HCRTR2: variants seen among roughly 807,000 people sequenced by gnomAD.
HCRTR2 encodes the protein orexin receptor type 2.
HCRTR2 carries 22 observed loss-of-function variants against 49.0 expected under a neutral mutation model. The ratio of observed to expected loss-of-function variants is 0.45; its 90% CI spans 0.32 to 0.64. The LOEUF (loss-of-function observed/expected upper bound fraction) is 0.64, where lower values mean the gene tolerates loss of function less well. Among genes scored for constraint, HCRTR2 ranks in the 30% least tolerant of loss-of-function variants. The pLI is 0.04. For synonymous variants in HCRTR2, 236 were observed against 205.3 expected, an observed-to-expected ratio of 1.15 and a Z score of -1.28; for missense variants, 491 against 559.4, an observed-to-expected ratio of 0.88 and a Z score of 1.23.
intron 5 of HCRTR2, among the ~76,000 whole-genome samples, chr6:55,279,803 C>G (rs1269840243): frequency 6.6e-6 from 1 of 151,458 alleles, no homozygotes; most frequent in Non-Finnish European, 1.5e-5. Context: ...AAAATTCTGC[C>G]CATCGAGAAC....
At chr6:55,107,581 G>A (rs1763992537) in intron 1 of HCRTR2, among the ~76,000 whole-genome samples, 1 of 151,650 alleles carries the variant, frequency 6.6e-6, no homozygotes, top group Admixed American at 6.6e-5. Flanking sequence ...TTTAAAAATT[G>A]GCAGCATATT....
chr6:55,282,346 T>C lies in HCRTR2; in HGVS notation c.1227T>C (p.Thr409=). The C allele has an allele frequency of 6.2e-7, 1 of 1,613,626 alleles. No homozygotes were observed. Among genetic ancestry groups the C allele is most frequent in the South Asian group, 1.1e-5 (1 of 91,070 alleles). The change falls in exon 7 of 7, where the codon ACT becomes ACC. Residue 409 remains threonine, a synonymous_variant. Transcript: ENST00000370862. ...CAGAGAGCCGGAAGTCCTTGACCAC[T>C]CAAATCAGCAACTTTGATAACATAT... ...TSTESRKSLT[T]QISNFDNISK... is the part of the protein sequence containing the mutation.
downstream of HCRTR2, among the ~76,000 whole-genome samples, chr6:55,283,558 C>A (rs1248314052): frequency 6.6e-6 from 1 of 151,994 alleles, no homozygotes; most frequent in Admixed American, 6.6e-5. Context: ...AATAGACTAT[C>A]GTATATTTTG....
chr6:55,167,439 C>T (rs1411618116), intron 1 of HCRTR2, among the ~76,000 whole-genome samples: 1 of 151,656 alleles, frequency 6.6e-6, no homozygotes, highest in Non-Finnish European at 1.5e-5. Flanking sequence ...AATCAGAACA[C>T]ATGCCTTAAT....
chr6:55,207,912 A>C (rs1765629966), intron 1 of HCRTR2, among the ~76,000 whole-genome samples: 2 of 152,192 alleles, frequency 1.3e-5, no homozygotes, highest in South Asian at 4.1e-4. Context: ...ACAACTACAG[A>C]TAGAGGAACA....
chr6:55,243,254 C>T (rs1766369121), intron 1 of HCRTR2, among the ~76,000 whole-genome samples: 1 of 152,144 alleles, frequency 6.6e-6, no homozygotes, highest in South Asian at 2.1e-4. Context: ...CTCTTTTGCC[C>T]TCATTTGCTC....
At chr6:55,143,367 T>C (rs1330567817) in intron 1 of HCRTR2, among the ~76,000 whole-genome samples, 1 of 152,180 alleles carries the variant, frequency 6.6e-6, no homozygotes, top group Non-Finnish European at 1.5e-5. Flanking sequence ...GTCAATACAA[T>C]GTATCCCACA....
chr6:55,222,629 C>T (rs147684214), intron 1 of HCRTR2, among the ~76,000 whole-genome samples: 75 of 152,198 alleles, frequency 4.9e-4, no homozygotes, highest in African/African-American at 1.6e-3. Context: ...TTATAATATG[C>T]TGCAACATAG....
At chr6:55,122,614 T>A (rs1764216844) in intron 1 of HCRTR2, among the ~76,000 whole-genome samples, 1 of 152,108 alleles carries the variant, frequency 6.6e-6, no homozygotes, top group African/African-American at 2.4e-5. Flanking sequence ...GCTGTAAATT[T>A]CCCTCTATAC....
intron 1 of HCRTR2, among the ~76,000 whole-genome samples, chr6:55,181,531 G>A (rs1020437151): frequency 2.6e-5 from 4 of 151,994 alleles, no homozygotes; most frequent in African/African-American, 7.3e-5. Flanking sequence ...AAACACATGA[G>A]AACAATGTTT....
At chr6:55,226,679 C>T (rs142789449) in intron 1 of HCRTR2, among the ~76,000 whole-genome samples, 7 of 146,762 alleles carry the variant, frequency 4.8e-5, no homozygotes, top group Non-Finnish European at 1.0e-4. Context: ...TATGTTTAGG[C>T]TCTGCTTGTA....
chr6:55,277,635 C>T (rs754377652), intron 5 of HCRTR2, 35 bp downstream of exon 5: 1 of 1,452,252 alleles, frequency 6.9e-7, no homozygotes, highest in Non-Finnish European at 9.6e-7. Flanking sequence ...ATGAAATAGC[C>T]TGCCTTTTCT....
chr6:55,118,264 G>A (rs1204648937), intron 1 of HCRTR2, among the ~76,000 whole-genome samples: 2 of 151,890 alleles, frequency 1.3e-5, no homozygotes, highest in African/African-American at 2.4e-5. Context: ...GTATTTCATG[G>A]TGTATATGCA....
intron 4 of HCRTR2, among the ~76,000 whole-genome samples, chr6:55,264,668 T>C (rs2127323713): frequency 6.6e-6 from 1 of 152,252 alleles, no homozygotes; most frequent in East Asian, 1.9e-4. Context: ...CAAACACATT[T>C]AGTGGTTTGT....
At chr6:55,252,730 G>T (rs1260019004) in intron 2 of HCRTR2, among the ~76,000 whole-genome samples, 4 of 151,986 alleles carry the variant, frequency 2.6e-5, no homozygotes, top group East Asian at 3.9e-4. Context: ...CACTTAAAAT[G>T]AAATTAGCCT....
chr6:55,258,334 A>G (rs2127319149), intron 3 of HCRTR2, among the ~76,000 whole-genome samples: 1 of 152,274 alleles, frequency 6.6e-6, no homozygotes, highest in Non-Finnish European at 1.5e-5. Context: ...GTGGCAGTGG[A>G]AAAAAATTTG....
intron 1 of HCRTR2, among the ~76,000 whole-genome samples, chr6:55,115,266 A>G (rs1353318485): frequency 1.3e-5 from 2 of 151,714 alleles, no homozygotes; most frequent in East Asian, 1.9e-4. Flanking sequence ...TGGCTTGAGC[A>G]CAGAATCTAG....
At chr6:55,199,316 T>C (rs1765470086) in intron 1 of HCRTR2, among the ~76,000 whole-genome samples, 1 of 152,056 alleles carries the variant, frequency 6.6e-6, no homozygotes, top group South Asian at 2.1e-4. Context: ...CTTCACATTT[T>C]GTCTTTGAAA....
At chr6:55,170,057 A>AT (rs887028960), upstream of HCRTR2, among the ~76,000 whole-genome samples, 1 of 151,292 alleles carries the variant, frequency 6.6e-6, no homozygotes, top group Non-Finnish European at 1.5e-5. Flanking sequence ...AAGAAAAAAA[A>AT]ATACCTGAGT....
Sources: allele counts gnomAD v4.1 joint callset (sites outside exome capture counted in the v4.1 genomes callset), GRCh38; gene constraint gnomAD v4.1.1; transcripts MANE v1.5; gene names NCBI Gene and HGNC (gene_info 2026-07-23, HGNC 2026-07-21).